Variants in DDX60L observed in about 807,000 individuals in gnomAD.
DDX60L encodes the protein DExD/H-box 60 like.
A neutral mutation model predicts 211.6 loss-of-function variants in DDX60L; 191 were observed. That is an observed-to-expected ratio of 0.90 (90% CI 0.80 to 1.02). The LOEUF (loss-of-function observed/expected upper bound fraction) is 1.02. Among genes scored for constraint, DDX60L ranks in the 50% least tolerant of loss-of-function variants. The probability of loss-of-function intolerance (pLI) is 0.00; values close to 1 mark genes in which losing one functional copy is unlikely to be tolerated. For synonymous variants in DDX60L, 706 were observed against 694.1 expected, an observed-to-expected ratio of 1.02 and a Z score of -0.27; for missense variants, 2,007 against 1,984.1, an observed-to-expected ratio of 1.01 and a Z score of -0.22.
At chr4:168,403,104 C>T (rs753073927) in intron 25 of DDX60L, among the ~76,000 whole-genome samples, 8 of 152,158 alleles carry the variant, frequency 5.3e-5, no homozygotes, top group South Asian at 2.1e-4. Context: ...AACATGTTGG[C>T]AGAATACCTC....
chr4:168,423,871 A>G (rs1402252849), intron 14 of DDX60L, 97 bp from the exon 15 acceptor site: 4 of 712,072 alleles, frequency 5.6e-6, no homozygotes, highest in Non-Finnish European at 8.7e-6. Flanking sequence ...ACCTCATGTG[A>G]TTAAACCTCA....
chr4:168,462,465 GAA>G (rs553560202), intron 4 of DDX60L, among the ~76,000 whole-genome samples: 1 of 146,408 alleles, frequency 6.8e-6, no homozygotes. Flanking sequence ...ATTTACAAGA[GAA>G]AAAAAAAACC....
chr4:168,381,968 C>G (rs866009902), intron 30 of DDX60L, among the ~76,000 whole-genome samples: 9 of 152,200 alleles, frequency 5.9e-5, no homozygotes, highest in Middle Eastern at 3.4e-3. Context: ...AATGGGGCCA[C>G]TTTTACATAG....
chr4:168,458,166 G>A (rs534893017), intron 5 of DDX60L, among the ~76,000 whole-genome samples, 158 bp from the exon 6 acceptor site: 4 of 152,264 alleles, frequency 2.6e-5, no homozygotes, highest in Admixed American at 2.6e-4. Flanking sequence ...ATATGCTGGC[G>A]AGTTTGTAGA....
intron 36 of DDX60L, among the ~76,000 whole-genome samples, chr4:168,369,618 G>A (rs573117676): frequency 7.2e-4 from 109 of 151,976 alleles, no homozygotes; most frequent in Admixed American, 3.3e-3. Context: ...GTTTTCCACA[G>A]TAAAGAAAAC....
At chr4:168,474,039 G>C (rs1759164883) in intron 1 of DDX60L, among the ~76,000 whole-genome samples, 1 of 152,172 alleles carries the variant, frequency 6.6e-6, no homozygotes, top group Admixed American at 6.5e-5. Flanking sequence ...TGCACTTGGG[G>C]GTGGGAGTAC....
At chr4:168,454,465 T>C (rs1403213859) in intron 7 of DDX60L, among the ~76,000 whole-genome samples, 1 of 152,178 alleles carries the variant, frequency 6.6e-6, no homozygotes, top group African/African-American at 2.4e-5. Context: ...ATAGGGTTTC[T>C]GGAAAAACGT....
At chr4:168,385,852 G>C (rs1175474705) in intron 29 of DDX60L, among the ~76,000 whole-genome samples, 1 of 152,092 alleles carries the variant, frequency 6.6e-6, no homozygotes, top group Non-Finnish European at 1.5e-5. Flanking sequence ...ACTAGGGATG[G>C]TAAGATGATA....
At chr4:168,449,596 C>A in intron 8 of DDX60L, among the ~76,000 whole-genome samples, 1 of 98,398 alleles carries the variant, frequency 1.0e-5, no homozygotes, top group Non-Finnish European at 1.9e-5. Flanking sequence ...GCACATGTAC[C>A]CTAAAACTTA....
chr4:168,400,907 C>A lies in DDX60L; in HGVS notation c.3410G>T (p.Ser1137Ile). Residue 1137 changes from serine (S) to isoleucine (I), a missense_variant, in exon 26 of 38, where the codon AGC (serine) becomes ATC (isoleucine). Ser to Ile is a moderately radical substitution (Grantham distance 142). Coordinates refer to ENST00000682922, the MANE Select transcript of DDX60L (RefSeq NM_001012967.3). The part of the protein sequence containing the change: ...CTFLEKTETK[S>I]HPHTECHSYV... ...ACTATGACATTCAGTGTGGGGATGG[C>A]TTTTTGTCTCTGTCTTCTCCAGAAA... The A allele has an allele frequency of 6.2e-7, 1 of 1,613,766 alleles. No homozygotes were observed. Among genetic ancestry groups the A allele is most frequent in the Non-Finnish European group, 8.5e-7 (1 of 1,179,682 alleles).
At chr4:168,437,556 C>G (rs747574734) in intron 10 of DDX60L, among the ~76,000 whole-genome samples, 3 of 152,170 alleles carry the variant, frequency 2.0e-5, no homozygotes, top group Non-Finnish European at 4.4e-5. Flanking sequence ...TTCTGAGCCA[C>G]GATGCAAAGG....
Position 168,394,544 on chromosome 4 carries a change from C to T in DDX60L, c.3731G>A (p.Gly1244Glu), listed in dbSNP as rs778072890. 5 of 1,613,504 alleles carry T rather than the reference C, an allele frequency of 3.1e-6. No homozygotes were observed. In the South Asian group the frequency reaches 4.4e-5, roughly 14 times the overall value. The change falls in exon 28 of 38, where the codon GGG (glycine) becomes GAG (glutamate). Residue 1244 changes from glycine (G) to glutamate (E), a missense_variant. Physicochemically the swap from Gly to Glu is moderately conservative, Grantham distance 98. Coordinates refer to ENST00000682922, the MANE Select transcript of DDX60L (RefSeq NM_001012967.3). ...GKELKALAQR[G>E]IGYHHSSMYF... Reference sequence around the variant, plus strand: ...CATGCTGCTGTGATGATATCCAATCCCCCTTTGTGCTAAAGCCTTCAGTTC... The same window carrying T: ...CATGCTGCTGTGATGATATCCAATCTCCCTTTGTGCTAAAGCCTTCAGTTC...
chr4:168,409,730 C>G (rs1010992487), intron 22 of DDX60L, among the ~76,000 whole-genome samples: 6 of 152,130 alleles, frequency 3.9e-5, no homozygotes, highest in Admixed American at 3.3e-4. Flanking sequence ...CATTTAATTC[C>G]TTACTCGTGC....
At chr4:168,441,628 C>G (rs1753851325) in intron 9 of DDX60L, 136 bp from the exon 10 acceptor site, 1 of 650,992 alleles carries the variant, frequency 1.5e-6, no homozygotes, top group Non-Finnish European at 2.5e-6. Flanking sequence ...TTACACAATA[C>G]ACTTGCATGA....
chr4:168,438,851 T>C (rs1753429152), intron 10 of DDX60L, among the ~76,000 whole-genome samples: 1 of 152,254 alleles, frequency 6.6e-6, no homozygotes, highest in East Asian at 1.9e-4. Context: ...GTTAGGGGTA[T>C]TTCTTCCTTA....
At chr4:168,458,064 A>G in intron 5 of DDX60L, 56 bp from the exon 6 acceptor site, 1 of 1,057,420 alleles carries the variant, frequency 9.5e-7, no homozygotes, top group South Asian at 1.7e-5. Context: ...TCCCAGCTGT[A>G]AAATATGAGA....
chr4:168,390,660 A>G, intron 29 of DDX60L: 1 of 440,986 alleles, frequency 2.3e-6, no homozygotes. Context: ...AGCAGTGTAT[A>G]GAGAGGAGGT....
intron 22 of DDX60L, among the ~76,000 whole-genome samples, chr4:168,411,676 A>G (rs1393547470): frequency 1.3e-5 from 2 of 152,164 alleles, no homozygotes; most frequent in Non-Finnish European, 2.9e-5. Flanking sequence ...CACAAGGACT[A>G]CAATTCCTGG....
chr4:168,379,370 G>A lies in DDX60L; in HGVS notation c.4356C>T (p.Ala1452=), dbSNP rs1398417640. 1 of 1,569,404 alleles carries A rather than the reference G, an allele frequency of 6.4e-7. No homozygotes were observed. Among genetic ancestry groups the A allele is most frequent in the East Asian group, 2.3e-5 (1 of 43,416 alleles). ...TATAAAACCCAAGCTTACCTTTCCA[G>A]GCTGGCTTACAGAGATTATGGAAAA... ...RGLFHNLCKP[A]WKGSQQFSQD... The change falls in exon 32 of 38, where the codon GCC becomes GCT. Residue 1452 remains alanine, a synonymous_variant. Coordinates refer to ENST00000682922, the MANE Select transcript of DDX60L (RefSeq NM_001012967.3).
Sources: gnomAD v4.1 joint callset for allele counts (sites outside exome capture counted in the v4.1 genomes callset) on GRCh38, gnomAD v4.1.1 for gene constraint, MANE v1.5 for transcripts, NCBI Gene and HGNC (gene_info 2026-07-23, HGNC 2026-07-21) for gene names.